The following GTF2E2 variants were observed in gnomAD, a reference collection of about 807,000 sequenced individuals.
GTF2E2 encodes the protein transcription initiation factor IIE subunit beta.
Under a neutral mutation model 40.5 loss-of-function variants are expected in GTF2E2, and 21 were observed. The ratio of observed to expected loss-of-function variants is 0.52; its 90% CI spans 0.37 to 0.75. The LOEUF (loss-of-function observed/expected upper bound fraction) is 0.75, where lower values mean the gene tolerates loss of function less well. Ranked by LOEUF, GTF2E2 falls within the 30% of genes least tolerant of loss-of-function variation. GTF2E2 has a pLI of 0.00. For synonymous variants in GTF2E2, 117 were observed against 121.6 expected (o/e 0.96, Z 0.25); for missense variants, 298 against 338.4 (o/e 0.88, Z 0.94).
chr8:30,604,869 A>G lies in GTF2E2; in HGVS notation c.643+2188T>C, dbSNP rs561131861. Among the ~76,000 whole-genome samples the G allele has an allele frequency of 3.0e-3, 461 of 152,358 alleles. 3 individuals carry two copies. Among genetic ancestry groups the G allele is most frequent in the African/African-American group, 0.011 (440 of 41,592 alleles). The stretch of plus-strand genomic sequence containing the variant: ...CAACAAAGGCCATATAAAATGACAA[A>G]TGAAAACGGGTAATATTAAGGAAGT... On this transcript the variant is annotated intron_variant, in intron 6 of 7. Coordinates refer to ENST00000355904, the MANE Select transcript of GTF2E2 (RefSeq NM_002095.6).
chr8:30,627,916 T>C (rs1801334364), intron 3 of GTF2E2, among the ~76,000 whole-genome samples: 1 of 152,190 alleles, frequency 6.6e-6, no homozygotes, highest in Admixed American at 6.5e-5. Flanking sequence ...CTTTTTAAAA[T>C]AATATGAACC....
At chr8:30,607,506 C>T (rs1253495180) in intron 5 of GTF2E2, among the ~76,000 whole-genome samples, 1 of 152,122 alleles carries the variant, frequency 6.6e-6, no homozygotes, top group Non-Finnish European at 1.5e-5. Context: ...GTCTTGAACT[C>T]CTGGGCTCAA....
intron 5 of GTF2E2, among the ~76,000 whole-genome samples, chr8:30,608,849 C>G (rs896961219): frequency 1.3e-5 from 2 of 152,156 alleles, no homozygotes; most frequent in Non-Finnish European, 2.9e-5. Context: ...CGGTGGCTCA[C>G]GCCATTCTCC....
intron 6 of GTF2E2, among the ~76,000 whole-genome samples, chr8:30,598,969 G>A (rs1319844032): frequency 2.0e-5 from 3 of 152,072 alleles, no homozygotes; most frequent in Admixed American, 6.6e-5. Context: ...ACCAGTCTGG[G>A]CAACAAAGCG....
rs1221196216 is a variant in GTF2E2 at position 30,580,416 on chromosome 8, G to T, written c.644-20C>A. The stretch of plus-strand genomic sequence containing the variant: ...GAAATTCTGTATCAAACAGACACTA[G>T]TTATTTTACAATCCATTTTTACAAA... On this transcript the variant is annotated intron_variant, in intron 6 of 7. Transcript: ENST00000355904. The T allele has an allele frequency of 1.6e-6, 2 of 1,254,632 alleles. No homozygotes were observed. The highest frequency in any genetic ancestry group is 2.3e-6 in the Non-Finnish European group (2 of 852,618). 77.7% of individuals were successfully genotyped at this position (1,254,632 alleles called of 1,614,324 possible).
chr8:30,614,584 CTT>C (rs764697154), intron 4 of GTF2E2, 22 bp downstream of exon 4: 2 of 1,231,850 alleles, frequency 1.6e-6, no homozygotes, highest in East Asian at 2.3e-5. Context: ...GGAAATCTCT[CTT>C]GATAATCAAC....
chr8:30,653,720 C>A, intron 1 of GTF2E2, 118 bp from the exon 2 acceptor site: 3 of 673,766 alleles, frequency 4.5e-6, no homozygotes, highest in Non-Finnish European at 5.0e-6. Context: ...TATTAGTTCT[C>A]TAGCACTTGC....
At chr8:30,653,625 T>C (rs1802359231) in intron 1 of GTF2E2, 23 bp from the exon 2 acceptor site, 1 of 1,573,790 alleles carries the variant, frequency 6.4e-7, no homozygotes, top group African/African-American at 1.4e-5. Context: ...AATAAGTGTC[T>C]TTAATACAAA....
chr8:30,609,536 A>G (rs1829424995), intron 5 of GTF2E2, among the ~76,000 whole-genome samples: 1 of 152,232 alleles, frequency 6.6e-6, no homozygotes, highest in South Asian at 2.1e-4. Context: ...CATGTATTAA[A>G]AAACTTAATA....
At chr8:30,640,320 C>T (rs1801769031) in intron 2 of GTF2E2, among the ~76,000 whole-genome samples, 1 of 152,200 alleles carries the variant, frequency 6.6e-6, no homozygotes, top group African/African-American at 2.4e-5. Flanking sequence ...CATCTGGCAA[C>T]CCAAAGGTTC....
At chr8:30,609,279 AAG>A (rs145751356) in intron 5 of GTF2E2, among the ~76,000 whole-genome samples, 56,349 of 126,126 alleles carry the variant, frequency 0.45, 12,106 homozygotes, top group African/African-American at 0.61. Flanking sequence ...AAAAAAAAAA[AAG>A]AGAAAGAAAG....
chr8:30,622,472 A>C (rs926866993), intron 3 of GTF2E2, among the ~76,000 whole-genome samples: 2 of 152,022 alleles, frequency 1.3e-5, no homozygotes, highest in African/African-American at 4.8e-5. Flanking sequence ...GCAGGGCGAG[A>C]TCACAGGACC....
intron 2 of GTF2E2, among the ~76,000 whole-genome samples, chr8:30,641,821 A>G (rs1166026025): frequency 6.6e-6 from 1 of 151,926 alleles, no homozygotes; most frequent in Non-Finnish European, 1.5e-5. Flanking sequence ...GGTTGCAGTG[A>G]GTCAAGATTG....
chr8:30,642,778 CTA>C (rs1190826006), intron 2 of GTF2E2, among the ~76,000 whole-genome samples: 1 of 152,164 alleles, frequency 6.6e-6, no homozygotes, highest in East Asian at 1.9e-4. Context: ...TGTGAATAAA[CTA>C]TATTAATTTA....
At chr8:30,616,756 A>T (rs1455772183) in intron 3 of GTF2E2, among the ~76,000 whole-genome samples, 1 of 152,098 alleles carries the variant, frequency 6.6e-6, no homozygotes, top group Non-Finnish European at 1.5e-5. Flanking sequence ...CAGGGAATGG[A>T]TGAGAATTCT....
chr8:30,595,550 C>A (rs1037597775), intron 6 of GTF2E2, among the ~76,000 whole-genome samples: 1 of 152,148 alleles, frequency 6.6e-6, no homozygotes, highest in Non-Finnish European at 1.5e-5. Flanking sequence ...ATTATTTTTG[C>A]CGGATGCAGT....
intron 6 of GTF2E2, chr8:30,584,685 TGAGGC>T (rs1216955537): frequency 6.6e-6 from 1 of 152,226 alleles, no homozygotes. Context: ...AACTTACCAA[TGAGGC>T]TTTGCTTAAA....
chr8:30,594,637 C>A (rs1278685499), intron 6 of GTF2E2, among the ~76,000 whole-genome samples: 2 of 150,992 alleles, frequency 1.3e-5, no homozygotes, highest in South Asian at 2.1e-4. Context: ...GTGGGAAGAT[C>A]GCCTGAGGTC....
At chr8:30,645,489 C>T in intron 2 of GTF2E2, 3 of 1,535,400 alleles carry the variant, frequency 2.0e-6, no homozygotes, top group South Asian at 1.2e-5. Flanking sequence ...AAGTGCTTGA[C>T]TGCTGCTGCT....
Sources: gnomAD v4.1 joint callset for allele counts (sites outside exome capture counted in the v4.1 genomes callset) on GRCh38, gnomAD v4.1.1 for gene constraint, MANE v1.5 for transcripts, NCBI Gene and HGNC (gene_info 2026-07-23, HGNC 2026-07-21) for gene names.